The following RGSL1 variants were observed in gnomAD, a reference collection of about 807,000 sequenced individuals.
The protein encoded by RGSL1 is regulator of G protein signaling like 1.
Under a neutral mutation model 124.7 loss-of-function variants are expected in RGSL1, and 97 were observed. The ratio of observed to expected loss-of-function variants is 0.78; its 90% CI spans 0.66 to 0.92. The LOEUF is 0.92. Among genes scored for constraint, RGSL1 ranks in the 40% least tolerant of loss-of-function variants. The probability of loss-of-function intolerance (pLI) is 0.00; values close to 1 mark genes in which losing one functional copy is unlikely to be tolerated. For missense variants in RGSL1, 1,233 were observed against 1,288.4 expected, an observed-to-expected ratio of 0.96 and a Z score of 0.66; for synonymous variants, 424 against 438.1, an observed-to-expected ratio of 0.97 and a Z score of 0.40.
chr1:182,557,599 C>G (rs956576307), intron 21 of RGSL1, among the ~76,000 whole-genome samples: 8 of 152,204 alleles, frequency 5.3e-5, no homozygotes, highest in African/African-American at 1.9e-4. Context: ...AAGAAAGGTA[C>G]TTTTCCTGAT....
intron 9 of RGSL1, among the ~76,000 whole-genome samples, chr1:182,496,697 C>G (rs568764830): frequency 2.0e-5 from 3 of 152,236 alleles, no homozygotes; most frequent in African/African-American, 7.2e-5. Context: ...ACTCTGGGTC[C>G]CCCTAACATC....
intron 10 of RGSL1, among the ~76,000 whole-genome samples, chr1:182,526,446 T>C (rs1201611640): frequency 6.6e-6 from 1 of 152,066 alleles, no homozygotes; most frequent in Non-Finnish European, 1.5e-5. Context: ...GGTAGGCAGA[T>C]TGCTTGAGCT....
chr1:182,453,800 C>T (rs1040126413), intron 1 of RGSL1, among the ~76,000 whole-genome samples, 158 bp from the exon 2 acceptor site: 2 of 152,158 alleles, frequency 1.3e-5, no homozygotes, highest in African/African-American at 4.8e-5. Flanking sequence ...AAAAGAGAGT[C>T]CTGGAGAAGG....
chr1:182,487,425 C>T (rs1395923981), intron 6 of RGSL1, among the ~76,000 whole-genome samples: 1 of 152,202 alleles, frequency 6.6e-6, no homozygotes, highest in African/African-American at 2.4e-5. Flanking sequence ...TCAGCCCACA[C>T]TGAAGTACTC....
rs1442802239 is a variant in RGSL1, at chr1:182,543,851, A to G, written c.2669+3430A>G. Among the ~76,000 whole-genome samples the G allele has an allele frequency of 3.9e-5, 6 of 151,906 alleles. No homozygotes were observed. In the East Asian group the frequency reaches 1.2e-3, roughly 29 times the overall value. ...TTGTACATCATAATCTCTGATGACTATGTCTCTTTTTTGTTTCTGATTTTA... is the reference window on the plus strand; with the variant it reads ...TTGTACATCATAATCTCTGATGACTGTGTCTCTTTTTTGTTTCTGATTTTA... On this transcript the variant is annotated intron_variant, in intron 15 of 21. Transcript: ENST00000294854.
chr1:182,550,957 C>T (rs907126733), intron 17 of RGSL1, 143 bp from the exon 18 acceptor site: 12 of 628,414 alleles, frequency 1.9e-5, no homozygotes, highest in Admixed American at 2.8e-5. Context: ...CAGGTAGAAC[C>T]CCAAGGCCAG....
At chr1:182,543,532 T>C (rs1338446760) in intron 15 of RGSL1, among the ~76,000 whole-genome samples, 2 of 152,068 alleles carry the variant, frequency 1.3e-5, no homozygotes, top group African/African-American at 4.8e-5. Flanking sequence ...CATCCTTCTC[T>C]AGTTTTGGTA....
At chr1:182,543,969 ATCT>A (rs1018531676) in intron 15 of RGSL1, among the ~76,000 whole-genome samples, 1 of 151,730 alleles carries the variant, frequency 6.6e-6, no homozygotes, top group Non-Finnish European at 1.5e-5. Flanking sequence ...TGTTTCATTA[ATCT>A]TCTGTATTTT....
At chr1:182,534,177 T>C (rs1256506855) in intron 14 of RGSL1, among the ~76,000 whole-genome samples, 2 of 152,226 alleles carry the variant, frequency 1.3e-5, no homozygotes, top group African/African-American at 4.8e-5. Flanking sequence ...GAATGATGGG[T>C]AAATGGTTAA....
chr1:182,513,930 G>C (rs983533024), intron 9 of RGSL1, among the ~76,000 whole-genome samples: 2 of 136,504 alleles, frequency 1.5e-5, no homozygotes, highest in African/African-American at 2.8e-5. Context: ...GTCTCGCTCT[G>C]TTGCTCAGAT....
chr1:182,552,100 T>C (rs1485595528), intron 18 of RGSL1, among the ~76,000 whole-genome samples: 5 of 151,832 alleles, frequency 3.3e-5, no homozygotes, highest in Admixed American at 2.0e-4. Flanking sequence ...CTGTGATTGG[T>C]ACTTGAGCAA....
intron 9 of RGSL1, among the ~76,000 whole-genome samples, chr1:182,506,245 A>C (rs2102168745): frequency 6.6e-6 from 1 of 152,310 alleles, no homozygotes; most frequent in South Asian, 2.1e-4. Context: ...TGTCTATAAG[A>C]CATGTAATGT....
intron 9 of RGSL1, among the ~76,000 whole-genome samples, chr1:182,509,696 C>G (rs1356093795): frequency 7.8e-6 from 1 of 128,448 alleles, no homozygotes; most frequent in African/African-American, 3.0e-5. Context: ...TCCCGGACGG[C>G]ACGGCTGGCC....
chr1:182,492,628 CT>C (rs34513069), intron 8 of RGSL1, among the ~76,000 whole-genome samples: 172 of 141,694 alleles, frequency 1.2e-3, no homozygotes, highest in African/African-American at 2.4e-3. Flanking sequence ...TTTAAATAAC[CT>C]TTTTTTTTTT....
rs865931914 is a variant in RGSL1, at chr1:182,511,023, G to A, written c.1826-10981G>A. Among the ~76,000 whole-genome samples the A allele has an allele frequency of 2.0e-5, 3 of 151,906 alleles. No individual in the cohort carries two copies. The South Asian group carries it at 6.2e-4, about 32-fold the overall frequency. On this transcript the variant is annotated intron_variant, in intron 9 of 21. Transcript: ENST00000294854. ...AAGTCTTTGCCCAGACCAATGTCCT[G>A]GAGCATTTCCCTAATGTTTTCATCT...
chr1:182,471,416 T>G, intron 4 of RGSL1: 1 of 456,586 alleles, frequency 2.2e-6, no homozygotes, highest in Non-Finnish European at 4.4e-6. Flanking sequence ...CCTGGGGCTT[T>G]TGCAAGTTCC....
At chr1:182,456,299 C>CTT (rs113276872) in intron 2 of RGSL1, among the ~76,000 whole-genome samples, 56 of 141,868 alleles carry the variant, frequency 3.9e-4, no homozygotes, top group African/African-American at 6.5e-4. Context: ...CAGAAGTAAT[C>CTT]TTTTTTTTTT....
chr1:182,465,854 C>T (rs1460070470), intron 4 of RGSL1, among the ~76,000 whole-genome samples: 1 of 151,966 alleles, frequency 6.6e-6, no homozygotes, highest in Non-Finnish European at 1.5e-5. Context: ...AAACAAGGCA[C>T]TATAAGAAAA....
intron 2 of RGSL1, among the ~76,000 whole-genome samples, chr1:182,457,511 C>T (rs1031325236): frequency 6.6e-6 from 1 of 152,150 alleles, no homozygotes; most frequent in African/African-American, 2.4e-5. Context: ...CACCTCACAG[C>T]CAGTGACAAG....
Sources: gnomAD v4.1 joint callset for allele counts (sites outside exome capture counted in the v4.1 genomes callset) on GRCh38, gnomAD v4.1.1 for gene constraint, MANE v1.5 for transcripts, NCBI Gene and HGNC (gene_info 2026-07-23, HGNC 2026-07-21) for gene names.